KCNIP3: variants seen among roughly 807,000 people sequenced by gnomAD.
The protein encoded by KCNIP3 is calsenilin.
KCNIP3 carries 28 observed loss-of-function variants against 35.0 expected under a neutral mutation model. The ratio of observed to expected loss-of-function variants is 0.80; its 90% CI spans 0.59 to 1.10. The LOEUF (loss-of-function observed/expected upper bound fraction) is 1.10, where lower values mean the gene tolerates loss of function less well. Among genes scored for constraint, KCNIP3 ranks in the 50% least tolerant of loss-of-function variants. The pLI, the probability that KCNIP3 is intolerant of heterozygous loss-of-function variation, is 0.00. For synonymous variants in KCNIP3, 134 were observed against 133.8 expected (o/e 1.00, Z -0.01); for missense variants, 295 against 338.4 (o/e 0.87, Z 1.01).
At chr2:95,312,279 C>G (rs1447489220) in intron 2 of KCNIP3, 3 of 152,276 alleles carry the variant, frequency 2.0e-5, no homozygotes, top group African/African-American at 7.2e-5. Flanking sequence ...TTTGCCGAAG[C>G]TTTCTGCACA....
rs1558758964 is a variant in KCNIP3, at chr2:95,310,419, A to G, written c.80A>G (p.Lys27Arg). 1.2e-6 allele frequency: 2 copies of G among 1,613,876 alleles called. No individual in the cohort carries two copies. The highest frequency in any genetic ancestry group is 1.7e-6 in the Non-Finnish European group (2 of 1,179,920). The change falls in exon 2 of 9, where the codon AAG becomes AGG. Residue 27 changes from lysine to arginine, a missense_variant. Lys to Arg is a conservative substitution (Grantham distance 26). Coordinates refer to ENST00000295225, the MANE Select transcript of KCNIP3 (RefSeq NM_013434.5). The stretch of plus-strand genomic sequence containing the variant: ...CTCGGGCACACACCACTTAGCAAGA[A>G]GGAGGGTATCAAGTGGCAGAGGCCG... ...GDLGHTPLSKKEGIKWQRPRL... is the reference protein window; with the variant it reads ...GDLGHTPLSKREGIKWQRPRL...
intron 2 of KCNIP3, among the ~76,000 whole-genome samples, chr2:95,367,014 G>A (rs929903680): frequency 1.3e-4 from 20 of 152,070 alleles, no homozygotes; most frequent in African/African-American, 4.6e-4. Flanking sequence ...TGTAATCCCA[G>A]CACTTTTGGA....
intron 5 of KCNIP3, among the ~76,000 whole-genome samples, chr2:95,380,202 G>C (rs1680303551): frequency 6.6e-6 from 1 of 152,042 alleles, no homozygotes; most frequent in African/African-American, 2.4e-5. Flanking sequence ...TAATTTCCAA[G>C]AGCTCTTTCT....
chr2:95,367,826 A>G (rs540953618), intron 2 of KCNIP3, among the ~76,000 whole-genome samples: 409 of 147,170 alleles, frequency 2.8e-3, no homozygotes, highest in Non-Finnish European at 5.0e-3. Context: ...CAATGGCACG[A>G]TCTCAGCTCA....
rs917645003 is a variant in KCNIP3 at position 95,376,989 on chromosome 2, C to T, written c.447+1781C>T. 6.6e-6 allele frequency among the ~76,000 whole-genome samples: 1 copy of T among 152,196 alleles called. No individual in the cohort carries two copies. Among genetic ancestry groups the T allele is most frequent in the African/African-American group, 2.4e-5 (1 of 41,446 alleles). On this transcript the variant is annotated intron_variant, in intron 5 of 8. Transcript: ENST00000295225. This position sits in a 1 kb window ranked among gnomAD's most constrained non-coding sequence, Gnocchi z 4.2. ...TCCCTCCGCTCACCAAAAAGAATAA[C>T]CAAAAAGACCAAATCGGAAAACACA...
intron 2 of KCNIP3, among the ~76,000 whole-genome samples, chr2:95,367,118 C>G (rs1029936432): frequency 3.3e-5 from 5 of 151,956 alleles, no homozygotes; most frequent in African/African-American, 1.2e-4. Context: ...ACTAAAAATA[C>G]AAAAACTAGC....
Position 95,377,491 on chromosome 2 carries a change from C to T in KCNIP3, c.447+2283C>T, listed in dbSNP as rs1680235478. 1.3e-5 allele frequency among the ~76,000 whole-genome samples: 2 copies of T among 152,242 alleles called. No individual in the cohort carries two copies. Among genetic ancestry groups the T allele is most frequent in the South Asian group, 4.1e-4 (2 of 4,832 alleles). On this transcript the variant is annotated intron_variant, in intron 5 of 8. Transcript: ENST00000295225. This position sits in a 1 kb window ranked among gnomAD's most constrained non-coding sequence, Gnocchi z 4.7. Reference sequence around the variant, plus strand: ...AGACCCTCCTGTGCACTCTTGTGCACCTTCACCTGGAAGTATGCTGTGTCA... The same window carrying T: ...AGACCCTCCTGTGCACTCTTGTGCATCTTCACCTGGAAGTATGCTGTGTCA...
Position 95,337,969 on chromosome 2 carries a change from G to C in KCNIP3, c.181+27449G>C, listed in dbSNP as rs115596525. Among the ~76,000 whole-genome samples the C allele has an allele frequency of 4.6e-5, 7 of 152,350 alleles. No individual in the cohort carries two copies. In the South Asian group the frequency reaches 6.2e-4, roughly 14 times the overall value. On this transcript the variant is annotated intron_variant, in intron 2 of 8. Coordinates refer to ENST00000295225, the MANE Select transcript of KCNIP3 (RefSeq NM_013434.5). ...GGCTACAGTGTGGGAAACTGGAGGT[G>C]GTGGGGGAAGCAGGAGAACAAACAG...
At chr2:95,352,777 A>T (rs972707582) in intron 2 of KCNIP3, among the ~76,000 whole-genome samples, 13 of 151,302 alleles carry the variant, frequency 8.6e-5, no homozygotes, top group African/African-American at 3.2e-4. Flanking sequence ...CCAGGGGGCC[A>T]GCCAGGGCCC....
At chr2:95,350,708 A>G (rs1679493070) in intron 2 of KCNIP3, among the ~76,000 whole-genome samples, 1 of 152,132 alleles carries the variant, frequency 6.6e-6, no homozygotes, top group African/African-American at 2.4e-5. Flanking sequence ...GTGGCAGTGG[A>G]GGTGGGGGGC....
chr2:95,313,816 C>T (rs1282379951), intron 2 of KCNIP3: 1 of 152,170 alleles, frequency 6.6e-6, no homozygotes, highest in African/African-American at 2.4e-5. Context: ...GCCAGGGCCC[C>T]ACCTAGCGCC....
chr2:95,302,420 G>A (rs1678060291), intron 1 of KCNIP3, among the ~76,000 whole-genome samples: 1 of 152,242 alleles, frequency 6.6e-6, no homozygotes, highest in Non-Finnish European at 1.5e-5. Context: ...AGCCCTCTCT[G>A]CATCAAACAA....
chr2:95,298,402 A>C (rs557530138), intron 1 of KCNIP3, among the ~76,000 whole-genome samples: 2 of 152,290 alleles, frequency 1.3e-5, no homozygotes, highest in East Asian at 3.9e-4. Flanking sequence ...CTTAAGGTGC[A>C]ACATAACTGC....
intron 1 of KCNIP3, among the ~76,000 whole-genome samples, chr2:95,300,733 G>A (rs1313482631): frequency 6.6e-6 from 1 of 152,254 alleles, no homozygotes; most frequent in Non-Finnish European, 1.5e-5. Flanking sequence ...AGGGAAAGAA[G>A]CAAGGGGACC....
chr2:95,352,465 G>A (rs1406790916), intron 2 of KCNIP3, among the ~76,000 whole-genome samples: 1 of 152,048 alleles, frequency 6.6e-6, no homozygotes, highest in Admixed American at 6.5e-5. Context: ...TGTGGACCCC[G>A]AATATCCAGG....
chr2:95,324,286 C>G (rs1487851370), intron 2 of KCNIP3, among the ~76,000 whole-genome samples: 1 of 152,032 alleles, frequency 6.6e-6, no homozygotes, highest in South Asian at 2.1e-4. Context: ...CCGAGGCAGG[C>G]GGATCACGAG....
intron 2 of KCNIP3, among the ~76,000 whole-genome samples, chr2:95,343,459 C>T (rs546010718): frequency 3.9e-5 from 6 of 152,180 alleles, no homozygotes; most frequent in Non-Finnish European, 5.9e-5. Flanking sequence ...AGCCCCACTC[C>T]GGAGAGTTGG....
intron 2 of KCNIP3, among the ~76,000 whole-genome samples, chr2:95,345,396 T>G (rs1679321013): frequency 6.6e-6 from 1 of 152,214 alleles, no homozygotes; most frequent in Non-Finnish European, 1.5e-5. Flanking sequence ...GTAGGCGCGC[T>G]CCAGGGGGCC....
intron 2 of KCNIP3, among the ~76,000 whole-genome samples, chr2:95,351,866 C>T (rs574342188): frequency 2.0e-5 from 3 of 152,128 alleles, no homozygotes; most frequent in South Asian, 2.1e-4. Flanking sequence ...TTGGGGTGTA[C>T]GTGTCAGGAA....
Sources: allele counts gnomAD v4.1 joint callset (sites outside exome capture counted in the v4.1 genomes callset), GRCh38; gene constraint gnomAD v4.1.1; non-coding constraint Gnocchi (gnomAD v3.1); transcripts MANE v1.5; gene names NCBI Gene and HGNC (gene_info 2026-07-23, HGNC 2026-07-21).